MTUS2: variants seen among roughly 807,000 people sequenced by gnomAD.
MTUS2 encodes the protein microtubule associated scaffold protein 2, also known as microtubule-associated tumor suppressor candidate 2.
MTUS2 carries 40 observed loss-of-function variants against 114.1 expected under a neutral mutation model. The ratio of observed to expected loss-of-function variants is 0.35; its 90% confidence interval spans 0.27 to 0.46. MTUS2 has a LOEUF of 0.46. MTUS2 is among the 20% of genes least tolerant of loss of function. The pLI is 1.00. For synonymous variants in MTUS2, 688 were observed against 672.0 expected, an observed-to-expected ratio of 1.02 and a Z score of -0.37; for missense variants, 1,679 against 1,705.4, an observed-to-expected ratio of 0.98 and a Z score of 0.27.
At chr13:29,029,900 C>T (rs1398884766) in intron 3 of MTUS2, among the ~76,000 whole-genome samples, 2 of 152,220 alleles carry the variant, frequency 1.3e-5, no homozygotes, top group African/African-American at 4.8e-5. Context: ...ATGGCCCACA[C>T]ACCTCCCACT....
At chr13:29,037,861 C>A (rs1267082035) in intron 4 of MTUS2, among the ~76,000 whole-genome samples, 1 of 152,182 alleles carries the variant, frequency 6.6e-6, no homozygotes, top group African/African-American at 2.4e-5. Context: ...TCAGCTCCAT[C>A]AGGTCATTTA....
chr13:29,376,982 A>G (rs1206110773), intron 8 of MTUS2, among the ~76,000 whole-genome samples: 1 of 152,106 alleles, frequency 6.6e-6, no homozygotes, highest in Non-Finnish European at 1.5e-5. Flanking sequence ...CTATATTCAT[A>G]GAAGAAGAAG....
At chr13:29,383,434 C>T (rs4474550) in intron 8 of MTUS2, among the ~76,000 whole-genome samples, 91,737 of 151,730 alleles carry the variant, frequency 0.6, 29,152 homozygotes, top group East Asian at 0.73. Flanking sequence ...CCTCTGGAGG[C>T]CCTGCAGCAA....
At chr13:28,940,942 C>G (rs1248799006) in intron 2 of MTUS2, among the ~76,000 whole-genome samples, 1 of 151,106 alleles carries the variant, frequency 6.6e-6, no homozygotes. Flanking sequence ...AACATTAACC[C>G]AAAAAAAGCT....
intron 7 of MTUS2, among the ~76,000 whole-genome samples, chr13:29,335,727 A>G (rs1027077693): frequency 7.2e-5 from 11 of 152,270 alleles, no homozygotes; most frequent in Admixed American, 1.3e-4. Context: ...GGTTCCCCCA[A>G]TCGGCCTGTC....
chr13:29,233,132 A>G (rs1896399258), intron 5 of MTUS2, among the ~76,000 whole-genome samples: 2 of 152,154 alleles, frequency 1.3e-5, no homozygotes, highest in African/African-American at 4.8e-5. Flanking sequence ...AAATAGGTTA[A>G]TAAGGTTCAC....
intron 5 of MTUS2, among the ~76,000 whole-genome samples, chr13:29,140,527 T>C (rs1043101669): frequency 2.6e-5 from 4 of 152,230 alleles, no homozygotes; most frequent in Non-Finnish European, 5.9e-5. Flanking sequence ...CTTCCTGTTG[T>C]AGGAAACCAA....
chr13:29,311,985 CCCTGCTCTCCCTGA>C (rs960871834), intron 6 of MTUS2, among the ~76,000 whole-genome samples: 12 of 152,152 alleles, frequency 7.9e-5, no homozygotes, highest in Admixed American at 7.9e-4. Flanking sequence ...TCATTCCCTA[CCCTGCTCTCCCTGA>C]CCTGCTGTCC....
At chr13:28,985,933 G>A (rs998401800) in intron 2 of MTUS2, among the ~76,000 whole-genome samples, 4 of 152,130 alleles carry the variant, frequency 2.6e-5, no homozygotes, top group African/African-American at 9.7e-5. Flanking sequence ...GGCCCACCCT[G>A]CAGCTTTTGG....
chr13:28,834,992 A>T (rs1874970533), intron 1 of MTUS2, among the ~76,000 whole-genome samples: 1 of 152,208 alleles, frequency 6.6e-6, no homozygotes, highest in South Asian at 2.1e-4. Flanking sequence ...TATCACTAAG[A>T]TGGCTAAAAT....
intron 5 of MTUS2, among the ~76,000 whole-genome samples, chr13:29,166,770 G>A (rs957728853): frequency 6.6e-6 from 1 of 152,084 alleles, no homozygotes; most frequent in African/African-American, 2.4e-5. Context: ...CAGGTCAGTA[G>A]CCTACCATTG....
intron 5 of MTUS2, among the ~76,000 whole-genome samples, chr13:29,133,593 A>G (rs898061748): frequency 6.6e-6 from 1 of 152,212 alleles, no homozygotes; most frequent in African/African-American, 2.4e-5. Context: ...TCGAAGAATC[A>G]TTTGTTGAAA....
At chr13:29,438,020 C>T (rs919404960) in intron 8 of MTUS2, among the ~76,000 whole-genome samples, 5 of 151,076 alleles carry the variant, frequency 3.3e-5, no homozygotes, top group Non-Finnish European at 5.9e-5. Flanking sequence ...TGGAAAAGCA[C>T]CTATTATATA....
intron 2 of MTUS2, among the ~76,000 whole-genome samples, chr13:28,901,396 G>A: frequency 6.6e-6 from 1 of 152,100 alleles, no homozygotes; most frequent in Admixed American, 6.6e-5. Flanking sequence ...TTTCTTGTAT[G>A]GATTATGCTT....
intron 7 of MTUS2, among the ~76,000 whole-genome samples, chr13:29,343,352 G>A (rs1229676519): frequency 6.6e-6 from 1 of 151,968 alleles, no homozygotes; most frequent in Non-Finnish European, 1.5e-5. Context: ...GGTCTGTTTG[G>A]AGTTATAATT....
intron 6 of MTUS2, among the ~76,000 whole-genome samples, chr13:29,290,089 G>A (rs182421222): frequency 8.6e-4 from 131 of 152,324 alleles, no homozygotes; most frequent in South Asian, 1.7e-3. Flanking sequence ...AAAGATGCCT[G>A]TACAATTCCA....
At chr13:28,997,001 A>G (rs1165821046) in intron 2 of MTUS2, among the ~76,000 whole-genome samples, 9 of 152,140 alleles carry the variant, frequency 5.9e-5, no homozygotes, top group Non-Finnish European at 7.3e-5. Flanking sequence ...TGTCAATTTT[A>G]GATCTTTCCT....
chr13:29,297,815 C>T (rs563670220), intron 6 of MTUS2, among the ~76,000 whole-genome samples: 1 of 152,240 alleles, frequency 6.6e-6, no homozygotes, highest in African/African-American at 2.4e-5. Flanking sequence ...TCATTGAGAT[C>T]AGTGTGATAA....
At position 29,382,022 on chromosome 13, in the gene MTUS2, C is replaced by T. The variant is rs1010044053; in HGVS notation, c.3117+22549C>T. On this transcript the variant is annotated intron_variant, in intron 8 of 15. Coordinates refer to ENST00000612955, the MANE Select transcript of MTUS2 (RefSeq NM_001033602.4). ...GGGGAATACAACAGAGAGCAGAACACGCATGCTCTATGCCCTCACAGAGCT... is the reference window on the plus strand; with the variant it reads ...GGGGAATACAACAGAGAGCAGAACATGCATGCTCTATGCCCTCACAGAGCT... Among the ~76,000 whole-genome samples, 22 of 152,172 alleles carry T rather than the reference C, an allele frequency of 1.4e-4. No homozygotes were observed. In the East Asian group the frequency reaches 1.9e-3, roughly 13 times the overall value.
Sources: allele counts gnomAD v4.1 joint callset (sites outside exome capture counted in the v4.1 genomes callset), GRCh38; gene constraint gnomAD v4.1.1; transcripts MANE v1.5; gene names NCBI Gene and HGNC (gene_info 2026-07-23, HGNC 2026-07-21).